Variants in NTN1 observed in about 807,000 individuals in gnomAD.
The protein encoded by NTN1 is netrin-1.
In NTN1, 11 loss-of-function variants were observed where a neutral mutation model predicts 54.2. That is an observed-to-expected ratio of 0.20 (90% CI 0.13 to 0.34). The LOEUF (loss-of-function observed/expected upper bound fraction) is 0.34, where lower values mean the gene tolerates loss of function less well. Ranked by LOEUF, NTN1 falls within the 10% of genes least tolerant of loss-of-function variation. The pLI is 1.00. For missense variants in NTN1, 740 were observed against 893.1 expected (o/e 0.83, Z 2.18); for synonymous variants, 371 against 382.0 (o/e 0.97, Z 0.33).
intron 2 of NTN1, among the ~76,000 whole-genome samples, chr17:9,101,978 G>T (rs368363141): frequency 2.6e-5 from 4 of 152,172 alleles, no homozygotes; most frequent in Non-Finnish European, 5.9e-5. Context: ...CCTGGGCAAC[G>T]AGAGAGACTG....
At chr17:9,121,060 C>G (rs1231714381) in intron 2 of NTN1, among the ~76,000 whole-genome samples, 2 of 152,066 alleles carry the variant, frequency 1.3e-5, no homozygotes, top group Non-Finnish European at 2.9e-5. Flanking sequence ...GGAGGGCTTC[C>G]CCTGTCTCAA....
intron 2 of NTN1, among the ~76,000 whole-genome samples, chr17:9,132,184 G>A (rs2142271320): frequency 6.6e-6 from 1 of 152,156 alleles, no homozygotes; most frequent in African/African-American, 2.4e-5. Flanking sequence ...CCTGGCCGTG[G>A]CCTGAGCACC....
At chr17:9,190,151 C>A (rs2142326709) in intron 5 of NTN1, among the ~76,000 whole-genome samples, 1 of 152,274 alleles carries the variant, frequency 6.6e-6, no homozygotes, top group African/African-American at 2.4e-5. Context: ...AACAAAATCT[C>A]AACTAGAATA....
At chr17:9,206,722 T>C (rs552981302) in intron 5 of NTN1, among the ~76,000 whole-genome samples, 1 of 152,308 alleles carries the variant, frequency 6.6e-6, no homozygotes, top group South Asian at 2.1e-4. Flanking sequence ...CAATGCCCCA[T>C]ATTTTTAAAT....
the NTN1 span, among the ~76,000 whole-genome samples, chr17:9,008,064 C>T: frequency 6.6e-6 from 1 of 152,070 alleles, no homozygotes; most frequent in Non-Finnish European, 1.5e-5. Flanking sequence ...CTTGAGTGAT[C>T]TATCTGACCC....
chr17:9,063,902 G>A (rs1465059738), intron 2 of NTN1, among the ~76,000 whole-genome samples: 1 of 152,028 alleles, frequency 6.6e-6, no homozygotes, highest in Non-Finnish European at 1.5e-5. Context: ...ACTACCAACT[G>A]CTCATGAGAA....
intron 2 of NTN1, among the ~76,000 whole-genome samples, chr17:9,105,455 A>C (rs2092162725): frequency 6.6e-6 from 1 of 152,104 alleles, no homozygotes; most frequent in Non-Finnish European, 1.5e-5. Flanking sequence ...TGGCAGGTGG[A>C]TGTAGGAGGC....
At chr17:9,131,951 C>T (rs1481138178) in intron 2 of NTN1, among the ~76,000 whole-genome samples, 5 of 151,674 alleles carry the variant, frequency 3.3e-5, no homozygotes, top group South Asian at 2.1e-4. Flanking sequence ...TACAGGCGCC[C>T]GCAACCACGC....
At position 9,023,008 on chromosome 17, in the gene NTN1, C is replaced by A; in HGVS notation, c.635C>A (p.Pro212Gln). The A allele has an allele frequency of 6.2e-7, 1 of 1,605,812 alleles. No individual in the cohort carries two copies. The highest frequency in any genetic ancestry group is 2.3e-5 in the East Asian group (1 of 44,306). ...VCTDSHTDMR[P>Q]LSGGLIAFST... The stretch of plus-strand genomic sequence containing the variant: ...ACCGACTCGCACACCGACATGCGCC[C>A]GCTCTCGGGCGGCCTCATCGCCTTC... Residue 212 changes from proline to glutamine, a missense_variant, in exon 2 of 7, where the codon CCG becomes CAG. Physicochemically the swap from Pro to Gln is moderately conservative, Grantham distance 76. Coordinates refer to ENST00000173229, the MANE Select transcript of NTN1 (RefSeq NM_004822.3).
intron 2 of NTN1, among the ~76,000 whole-genome samples, chr17:9,158,761 CAGG>C (rs1373329222): frequency 2.0e-5 from 3 of 152,086 alleles, no homozygotes; most frequent in Admixed American, 6.6e-5. Flanking sequence ...CAGTCGTCTG[CAGG>C]AGGGCAAGGT....
In NTN1 at chr17:9,179,702, C is replaced by T. The variant is rs1234020049; in HGVS notation, c.1208-105C>T. On this transcript the variant is annotated intron_variant, in intron 3 of 6. Transcript: ENST00000173229. Reference sequence around the variant, plus strand: ...GGCCTGCTCCCCATCGCTGCTCTTCCTCCAGGGCAGGGTCCATGGAGGCAG... The same window carrying T: ...GGCCTGCTCCCCATCGCTGCTCTTCTTCCAGGGCAGGGTCCATGGAGGCAG... 2.9e-6 allele frequency: 4 copies of T among 1,402,568 alleles called. No homozygotes were observed. The East Asian group carries it at 7.3e-5, about 26-fold the overall frequency. 86.9% of individuals were successfully genotyped at this position (1,402,568 alleles called of 1,614,324 possible).
intron 2 of NTN1, among the ~76,000 whole-genome samples, chr17:9,133,451 G>A (rs2092271693): frequency 1.3e-5 from 2 of 152,218 alleles, no homozygotes; most frequent in South Asian, 4.1e-4. Context: ...GGGGCCTTAG[G>A]TTTACTCAGC....
At position 9,165,120 on chromosome 17, in the gene NTN1, G is replaced by T. The variant is rs1330038422; in HGVS notation, c.1207+2119G>T. On this transcript the variant is annotated intron_variant, in intron 3 of 6. Transcript: ENST00000173229. The surrounding 1 kb of genome is among the most constrained non-coding windows in gnomAD (Gnocchi z 4.5). ...CCAACAGCGGCCACTCAGGTGGGCA[G>T]TCCTGTGCCTGAGAGTGAGAAGGTC... 1.3e-5 allele frequency among the ~76,000 whole-genome samples: 2 copies of T among 152,210 alleles called. No homozygotes were observed. The highest frequency in any genetic ancestry group is 3.9e-4 in the East Asian group (2 of 5,194).
intron 2 of NTN1, among the ~76,000 whole-genome samples, chr17:9,144,654 A>C (rs2092307964): frequency 6.6e-6 from 1 of 152,194 alleles, no homozygotes; most frequent in Admixed American, 6.5e-5. Context: ...ACAAGGAGAG[A>C]TCAGGTGACT....
rs11356490 is a variant in NTN1 at position 9,128,309 on chromosome 17, CAA to C, written c.1019-34487_1019-34486del. Among the ~76,000 whole-genome samples, 554 of 124,020 alleles carry C rather than the reference CAA, an allele frequency of 4.5e-3. 27 individuals carry two copies. In the South Asian group the frequency reaches 0.095, roughly 21 times the overall value. 81.4% of individuals were successfully genotyped at this position (124,020 alleles called of 152,430 possible). A position where few individuals can be genotyped will look rare whatever the true frequency, so the allele number is the denominator to read the frequency against. The stretch of plus-strand genomic sequence containing the variant: ...TAGGCAACACAGTGAGACTCTGTCT[CAA>C]AAAAAAAAAAAAAAAAGTATCCCAG... On this transcript the variant is annotated intron_variant, in intron 2 of 6. Coordinates refer to ENST00000173229, the MANE Select transcript of NTN1 (RefSeq NM_004822.3).
At chr17:9,048,385 A>C (rs1191583556) in intron 2 of NTN1, among the ~76,000 whole-genome samples, 2 of 152,104 alleles carry the variant, frequency 1.3e-5, no homozygotes, top group East Asian at 3.9e-4. Context: ...ACCATGCTGT[A>C]AACAGATTTG....
chr17:9,239,555 T>TAG lies in NTN1; in HGVS notation c.1487-85_1487-84insAG, dbSNP rs1906112068. ...TGCAGTCACTTCCTGGGGCTGGGTC[T>TAG]CCTTTCCCTTCTCCCCAGGCTCAGG... is the stretch of plus-strand genomic sequence containing the variant. On this transcript the variant is annotated intron_variant, in intron 6 of 6. Transcript: ENST00000173229. The surrounding 1 kb of genome is among the most constrained non-coding windows in gnomAD (Gnocchi z 5.2). The TAG allele has an allele frequency of 7.2e-7, 1 of 1,382,140 alleles. No individual in the cohort carries two copies. Among genetic ancestry groups the TAG allele is most frequent in the East Asian group, 2.3e-5 (1 of 42,932 alleles). The allele number at this position is 1,382,140 out of a possible 1,614,324, so 85.6% of individuals were successfully genotyped here. A position where few individuals can be genotyped will look rare whatever the true frequency, so the allele number is the denominator to read the frequency against.
At chr17:9,200,103 A>C (rs535068812) in intron 5 of NTN1, among the ~76,000 whole-genome samples, 2 of 152,348 alleles carry the variant, frequency 1.3e-5, no homozygotes, top group African/African-American at 4.8e-5. Flanking sequence ...ACAGGACTAC[A>C]AGCATCCTTC....
intron 3 of NTN1, chr17:9,175,150 T>G (rs1231006591): frequency 2.0e-5 from 3 of 152,174 alleles, no homozygotes; most frequent in Non-Finnish European, 4.4e-5. Context: ...GTGTGTCTCC[T>G]CCCTGGCAGA....
Sources: gnomAD v4.1 joint callset for allele counts (sites outside exome capture counted in the v4.1 genomes callset) on GRCh38, gnomAD v4.1.1 for gene constraint, Gnocchi (gnomAD v3.1) non-coding constraint, MANE v1.5 for transcripts, NCBI Gene and HGNC (gene_info 2026-07-23, HGNC 2026-07-21) for gene names.